PARVA: variants seen among roughly 807,000 people sequenced by gnomAD.
The protein encoded by PARVA is alpha-parvin.
A neutral mutation model predicts 52.6 loss-of-function variants in PARVA; 25 were observed. That is an observed-to-expected ratio of 0.48 (90% CI 0.35 to 0.66). The LOEUF (loss-of-function observed/expected upper bound fraction) is 0.66. PARVA is among the 30% of genes least tolerant of loss of function. The pLI, the probability that PARVA is intolerant of heterozygous loss-of-function variation, is 0.01. For synonymous variants in PARVA, 185 were observed against 179.1 expected (o/e 1.03, Z -0.26); for missense variants, 373 against 450.9 (o/e 0.83, Z 1.56).
chr11:12,404,029 C>T (rs1939866660), intron 1 of PARVA, among the ~76,000 whole-genome samples: 1 of 151,954 alleles, frequency 6.6e-6, no homozygotes, highest in African/African-American at 2.4e-5. Flanking sequence ...CCAATTTATT[C>T]TAGGGATATT....
chr11:12,398,535 T>G (rs1435497010), intron 1 of PARVA, among the ~76,000 whole-genome samples: 1 of 149,470 alleles, frequency 6.7e-6, no homozygotes, highest in Non-Finnish European at 1.5e-5. Flanking sequence ...CATTTCTACT[T>G]TTATAAGGGG....
intron 8 of PARVA, among the ~76,000 whole-genome samples, chr11:12,512,445 C>T (rs1423656080): frequency 6.6e-6 from 1 of 152,178 alleles, no homozygotes; most frequent in Admixed American, 6.5e-5. Context: ...GGCCTCAGGG[C>T]CTCGCACCCT....
chr11:12,488,606 T>G lies in PARVA; in HGVS notation c.401-7852T>G, dbSNP rs114868504. Among the ~76,000 whole-genome samples, 428 of 152,264 alleles carry G rather than the reference T, an allele frequency of 2.8e-3. 1 individual carries two copies. Among genetic ancestry groups the G allele is most frequent in the African/African-American group, 9.7e-3 (403 of 41,542 alleles). On this transcript the variant is annotated intron_variant, in intron 4 of 12. Coordinates refer to ENST00000334956, the MANE Select transcript of PARVA (RefSeq NM_018222.5). ...CCATGGTCTTGAAAGGGCAACTCTT[T>G]CAATGAGTACAAAATTTGTCCCACA...
intron 1 of PARVA, among the ~76,000 whole-genome samples, chr11:12,427,532 A>G (rs1250871264): frequency 2.0e-5 from 3 of 152,242 alleles, no homozygotes; most frequent in Non-Finnish European, 2.9e-5. Flanking sequence ...TAAATTATGG[A>G]CAGCCTTCTC....
intron 1 of PARVA, among the ~76,000 whole-genome samples, chr11:12,457,038 T>G (rs954419607): frequency 6.6e-6 from 1 of 152,226 alleles, no homozygotes; most frequent in Non-Finnish European, 1.5e-5. Context: ...TGTGCGTGTT[T>G]ATTTTTGTGT....
chr11:12,525,094 A>G (rs1941684287), intron 12 of PARVA, among the ~76,000 whole-genome samples: 1 of 152,218 alleles, frequency 6.6e-6, no homozygotes, highest in African/African-American at 2.4e-5. Flanking sequence ...AGTGAAAGGA[A>G]GCCACAGTGA....
rs765383528 is a variant in PARVA, at chr11:12,377,613, C to T, written c.-35C>T. The T allele has an allele frequency of 1.3e-6, 2 of 1,550,408 alleles. No individual in the cohort carries two copies. Among genetic ancestry groups the T allele is most frequent in the South Asian group, 1.2e-5 (1 of 83,106 alleles). ...CTGCGTCCGCCCAGCGCCAGCTCCG[C>T]GTCCCGACCGGCCCGCGGCAGCCTG... is the stretch of plus-strand genomic sequence containing the variant. On this transcript the variant is annotated 5_prime_UTR_variant, in exon 1 of 13. Transcript: ENST00000334956.
intron 3 of PARVA, 71 bp downstream of exon 3, chr11:12,474,054 T>A: frequency 2.4e-6 from 3 of 1,236,188 alleles, no homozygotes; most frequent in Non-Finnish European, 3.5e-6. Context: ...ACCTGCTCTG[T>A]GCAGGTACCC....
At chr11:12,376,820 A>C, upstream of PARVA, 1 of 642,742 alleles carries the variant, frequency 1.6e-6, no homozygotes, top group Non-Finnish European at 1.9e-6. Flanking sequence ...TGTTATCTCA[A>C]ATGAGTCTGG....
chr11:12,503,902 T>C (rs1941393913), intron 5 of PARVA, among the ~76,000 whole-genome samples: 2 of 152,132 alleles, frequency 1.3e-5, no homozygotes, highest in African/African-American at 4.8e-5. Flanking sequence ...AAAAGAGGTT[T>C]AAACTGGCCG....
chr11:12,378,269 G>A (rs985156588), intron 1 of PARVA, among the ~76,000 whole-genome samples: 1 of 152,178 alleles, frequency 6.6e-6, no homozygotes, highest in African/African-American at 2.4e-5. Context: ...TCGTTTCCTG[G>A]ACCTGCTGAC....
chr11:12,514,426 T>C (rs962155541), intron 10 of PARVA, among the ~76,000 whole-genome samples: 2 of 152,242 alleles, frequency 1.3e-5, no homozygotes, highest in Non-Finnish European at 2.9e-5. Context: ...TTTAACATAA[T>C]ACATTAATCT....
chr11:12,430,590 G>A (rs1390668774), intron 1 of PARVA, among the ~76,000 whole-genome samples: 1 of 152,140 alleles, frequency 6.6e-6, no homozygotes, highest in East Asian at 1.9e-4. Flanking sequence ...GCTGTGGGGG[G>A]TTTGACATGG....
chr11:12,526,256 T>C lies in PARVA; in HGVS notation c.1043-1593T>C, dbSNP rs570687227. The stretch of plus-strand genomic sequence containing the variant: ...TCTTTTTTTTTAAAAGTCCCAAGGC[T>C]AAGACCTGGGAGCCCCTGGCTCCCC... On this transcript the variant is annotated intron_variant, in intron 12 of 12. Coordinates refer to ENST00000334956, the MANE Select transcript of PARVA (RefSeq NM_018222.5). Among the ~76,000 whole-genome samples the C allele has an allele frequency of 1.8e-3, 278 of 152,248 alleles. 1 individual carries two copies. The highest frequency in any genetic ancestry group is 6.4e-3 in the African/African-American group (267 of 41,556).
chr11:12,424,566 A>T (rs1940199696), intron 1 of PARVA, among the ~76,000 whole-genome samples: 1 of 152,218 alleles, frequency 6.6e-6, no homozygotes, highest in African/African-American at 2.4e-5. Flanking sequence ...CTCAATAGTC[A>T]TCCATAACTA....
At chr11:12,435,340 A>C (rs1308723251) in intron 1 of PARVA, among the ~76,000 whole-genome samples, 2 of 152,158 alleles carry the variant, frequency 1.3e-5, no homozygotes, top group Non-Finnish European at 2.9e-5. Context: ...ACTCCAGCCA[A>C]GATCCTGATT....
At chr11:12,513,101 A>G in intron 8 of PARVA, 198 bp from the exon 9 acceptor site, 1 of 693,988 alleles carries the variant, frequency 1.4e-6, no homozygotes, top group Non-Finnish European at 2.7e-6. Context: ...ACACAGACAC[A>G]GGCTCCCAGG....
At chr11:12,474,518 T>C (rs1288624034) in intron 3 of PARVA, among the ~76,000 whole-genome samples, 1 of 152,166 alleles carries the variant, frequency 6.6e-6, no homozygotes, top group African/African-American at 2.4e-5. Flanking sequence ...CCCTGTCCTA[T>C]GTTCCTCCTC....
intron 1 of PARVA, among the ~76,000 whole-genome samples, chr11:12,468,132 G>C (rs1456534893): frequency 6.6e-6 from 1 of 152,144 alleles, no homozygotes; most frequent in Non-Finnish European, 1.5e-5. Context: ...AGTTAGCCTT[G>C]TTCTACATGA....
Sources: gnomAD v4.1 joint callset for allele counts (sites outside exome capture counted in the v4.1 genomes callset) on GRCh38, gnomAD v4.1.1 for gene constraint, MANE v1.5 for transcripts, NCBI Gene and HGNC (gene_info 2026-07-23, HGNC 2026-07-21) for gene names.